The following ADGRB3 variants were observed in gnomAD, a reference collection of about 807,000 sequenced individuals.
The protein encoded by ADGRB3 is adhesion G protein-coupled receptor B3.
ADGRB3 carries 37 observed loss-of-function variants against 193.4 expected under a neutral mutation model. The observed-to-expected ratio is 0.19, with a 90% confidence interval of 0.15 to 0.25. ADGRB3 has a LOEUF of 0.25. Ranked by LOEUF, ADGRB3 falls within the 10% of genes least tolerant of loss-of-function variation. The pLI is 1.00. For synonymous variants in ADGRB3, 690 were observed against 644.2 expected (o/e 1.07, Z -1.08); for missense variants, 1,637 against 1,852.9 (o/e 0.88, Z 2.14).
Position 68,777,668 on chromosome 6 carries a change from T to TAAAA in ADGRB3, c.757+138253_757+138256dup, listed in dbSNP as rs561834409. 1.2e-3 allele frequency among the ~76,000 whole-genome samples: 95 copies of TAAAA among 78,056 alleles called. 1 individual carries two copies. The highest frequency in any genetic ancestry group is 3.6e-3 in the African/African-American group (89 of 24,542). 51.2% of individuals were successfully genotyped at this position (78,056 alleles called of 152,430 possible). ...GCAATCAATTGATCTCTCTGGGATC[T>TAAAA]AAAAAAAAAAAAAAAAAAAACGACT... On this transcript the variant is annotated intron_variant, in intron 3 of 31. Transcript: ENST00000370598.
At chr6:69,011,235 T>A (rs1199864510) in intron 11 of ADGRB3, among the ~76,000 whole-genome samples, 1 of 151,716 alleles carries the variant, frequency 6.6e-6, no homozygotes, top group Admixed American at 6.6e-5. Flanking sequence ...GTGCTAAATC[T>A]TTTTAGGAAA....
At chr6:69,336,592 A>G (rs1243316747) in intron 24 of ADGRB3, among the ~76,000 whole-genome samples, 1 of 152,050 alleles carries the variant, frequency 6.6e-6, no homozygotes, top group African/African-American at 2.4e-5. Flanking sequence ...AACTACCTGA[A>G]GAGTAATGTG....
intron 27 of ADGRB3, among the ~76,000 whole-genome samples, chr6:69,355,007 A>C (rs1582652822): frequency 6.6e-6 from 1 of 152,306 alleles, no homozygotes; most frequent in South Asian, 2.1e-4. Flanking sequence ...TTTATTATTA[A>C]CTTTTTTGAA....
chr6:69,290,682 G>A (rs1486928868), intron 20 of ADGRB3, among the ~76,000 whole-genome samples: 1 of 152,100 alleles, frequency 6.6e-6, no homozygotes, highest in Admixed American at 6.6e-5. Flanking sequence ...AATAAAAGCA[G>A]AGTGTTTATG....
chr6:69,340,881 T>C (rs2127320125), intron 26 of ADGRB3, among the ~76,000 whole-genome samples: 1 of 152,316 alleles, frequency 6.6e-6, no homozygotes, highest in East Asian at 1.9e-4. Flanking sequence ...TTTCTGTTCC[T>C]GTGTTAGTTT....
chr6:68,938,369 CTATTT>C (rs1767538375), intron 5 of ADGRB3, among the ~76,000 whole-genome samples: 1 of 149,536 alleles, frequency 6.7e-6, no homozygotes. Context: ...CCAGGGGATT[CTATTT>C]TATTTTATTT....
In ADGRB3 at chr6:68,943,980, T is replaced by C. The variant is rs1296540085; in HGVS notation, c.1181T>C (p.Ile394Thr). Reference protein sequence around the residue: ...GPETHHKPCNIALCPVDGQWQ... With the variant: ...GPETHHKPCNTALCPVDGQWQ... ...GAAACACATCATAAGCCTTGTAATA[T>C]TGCTCTTTGCCCAGGTGAGCCTATT... The change falls in exon 6 of 32, where the codon ATT (isoleucine) becomes ACT (threonine). Residue 394 changes from isoleucine (I) to threonine (T), a missense_variant. This residue lies in a region of ADGRB3 where 641 missense variants were observed against 673.9 expected (regional missense o/e 0.95). Transcript: ENST00000370598. 6.2e-7 allele frequency: 1 copy of C among 1,605,828 alleles called. No individual in the cohort carries two copies. Among genetic ancestry groups the C allele is most frequent in the Non-Finnish European group, 8.5e-7 (1 of 1,174,232 alleles).
chr6:68,827,177 T>C (rs186150887), intron 3 of ADGRB3, among the ~76,000 whole-genome samples: 15 of 152,226 alleles, frequency 9.9e-5, no homozygotes, highest in Non-Finnish European at 1.3e-4. Context: ...CAGATTGATA[T>C]TGAACAGCCC....
At chr6:69,009,076 A>G (rs578014423) in intron 11 of ADGRB3, among the ~76,000 whole-genome samples, 1 of 152,254 alleles carries the variant, frequency 6.6e-6, no homozygotes, top group African/African-American at 2.4e-5. Flanking sequence ...CACAGTGGGC[A>G]TGTAATTCAT....
intron 8 of ADGRB3, among the ~76,000 whole-genome samples, chr6:68,968,397 G>C (rs1160834907): frequency 6.6e-6 from 1 of 152,176 alleles, no homozygotes; most frequent in African/African-American, 2.4e-5. Flanking sequence ...AGAAGTTCAT[G>C]ATACAAATTG....
chr6:68,877,780 A>G (rs1765633144), intron 3 of ADGRB3, among the ~76,000 whole-genome samples: 6 of 152,140 alleles, frequency 3.9e-5, no homozygotes, highest in Admixed American at 3.9e-4. Context: ...ACTTTTTTTA[A>G]TAGTCCATCT....
chr6:68,641,573 T>C (rs917827115), intron 3 of ADGRB3, among the ~76,000 whole-genome samples: 2 of 152,208 alleles, frequency 1.3e-5, no homozygotes, highest in African/African-American at 4.8e-5. Context: ...CAACATATGC[T>C]ATGTCAGTAA....
In ADGRB3 at chr6:68,921,085, T is replaced by A. The variant is rs1767031103; in HGVS notation, c.758-9474T>A. ...GCAATTCCTATCAATCCAAAAAAAA[T>A]TAGGAAAAGGCAAAAAATAAACAGC... On this transcript the variant is annotated intron_variant, in intron 3 of 31. Transcript: ENST00000370598. Among the ~76,000 whole-genome samples, 3 of 151,708 alleles carry A rather than the reference T, an allele frequency of 2.0e-5. No individual in the cohort carries two copies. In the South Asian group the frequency reaches 6.2e-4, roughly 32 times the overall value.
intron 17 of ADGRB3, among the ~76,000 whole-genome samples, chr6:69,118,133 C>T (rs1364901225): frequency 6.6e-6 from 1 of 152,068 alleles, no homozygotes; most frequent in African/African-American, 2.4e-5. Flanking sequence ...GAGAAAGTAG[C>T]CGGTTCCCAG....
chr6:68,859,119 C>T (rs1456766054), intron 3 of ADGRB3, among the ~76,000 whole-genome samples: 1 of 152,170 alleles, frequency 6.6e-6, no homozygotes, highest in Non-Finnish European at 1.5e-5. Context: ...TTATCTTTCT[C>T]AAGTTCCAAG....
chr6:68,901,836 G>T (rs78573975), intron 3 of ADGRB3, among the ~76,000 whole-genome samples: 3,661 of 152,108 alleles, frequency 0.024, 141 homozygotes, highest in African/African-American at 0.082. Context: ...AAAAAGTAAA[G>T]CAATGTTGTC....
At chr6:68,944,042 A>C in intron 6 of ADGRB3, 48 bp downstream of exon 6, 3 of 1,552,216 alleles carry the variant, frequency 1.9e-6, no homozygotes, top group Non-Finnish European at 2.6e-6. Flanking sequence ...TGCTTTTTAT[A>C]TGATTCCTAG....
intron 29 of ADGRB3, among the ~76,000 whole-genome samples, chr6:69,370,326 T>G (rs1769681507): frequency 6.6e-6 from 1 of 152,200 alleles, no homozygotes; most frequent in South Asian, 2.1e-4. Flanking sequence ...ACACACATTT[T>G]TAACTCACTT....
intron 19 of ADGRB3, among the ~76,000 whole-genome samples, chr6:69,235,985 T>C (rs1445171280): frequency 6.6e-6 from 1 of 151,882 alleles, no homozygotes; most frequent in African/African-American, 2.4e-5. Flanking sequence ...ACTATATTAG[T>C]ATATAGAAAA....
Sources: gnomAD v4.1 joint callset for allele counts (sites outside exome capture counted in the v4.1 genomes callset) on GRCh38, gnomAD v4.1.1 for gene constraint, gnomAD v4.1.1 regional missense constraint, MANE v1.5 for transcripts, NCBI Gene and HGNC (gene_info 2026-07-23, HGNC 2026-07-21) for gene names.